Variants in CAPRIN1 observed in about 807,000 individuals in gnomAD.
The protein encoded by CAPRIN1 is caprin-1.
Under a neutral mutation model 100.9 loss-of-function variants are expected in CAPRIN1, and 29 were observed. The ratio of observed to expected loss-of-function variants is 0.29; its 90% CI spans 0.21 to 0.39. The LOEUF is 0.39. Ranked by LOEUF, CAPRIN1 falls within the 10% of genes least tolerant of loss-of-function variation. CAPRIN1 has a pLI of 1.00. For synonymous variants in CAPRIN1, 338 were observed against 307.5 expected, an observed-to-expected ratio of 1.10 and a Z score of -1.04; for missense variants, 795 against 876.7, an observed-to-expected ratio of 0.91 and a Z score of 1.18.
intron 6 of CAPRIN1, among the ~76,000 whole-genome samples, chr11:34,078,892 C>G (rs1478629826): frequency 6.6e-6 from 1 of 152,180 alleles, no homozygotes. Context: ...CATTGTAGTT[C>G]TGTGTAGTAC....
intron 18 of CAPRIN1, 117 bp downstream of exon 18, chr11:34,097,878 G>A: frequency 6.6e-7 from 1 of 1,506,970 alleles, no homozygotes; most frequent in Non-Finnish European, 8.9e-7. Context: ...CTTGTTGCTA[G>A]GGATTAAATG....
chr11:34,086,228 A>G lies in CAPRIN1; in HGVS notation c.1122+9A>G. 2 of 1,613,130 alleles carry G rather than the reference A, an allele frequency of 1.2e-6. No individual in the cohort carries two copies. Among genetic ancestry groups the G allele is most frequent in the Non-Finnish European group, 1.7e-6 (2 of 1,179,372 alleles). Reference sequence around the variant, plus strand: ...CCTATAATTTCATACAGGTATGTTCATTTTAGTCAGACTCTGTAACAGAAA... The same window carrying G: ...CCTATAATTTCATACAGGTATGTTCGTTTTAGTCAGACTCTGTAACAGAAA... On this transcript the variant is annotated intron_variant, in intron 10 of 18. Transcript: ENST00000341394.
At chr11:34,080,159 G>A (rs1195317363) in intron 7 of CAPRIN1, among the ~76,000 whole-genome samples, 2 of 152,028 alleles carry the variant, frequency 1.3e-5, no homozygotes, top group Non-Finnish European at 2.9e-5. Context: ...CCTTGACCTC[G>A]TGATCCACCC....
intron 2 of CAPRIN1, among the ~76,000 whole-genome samples, chr11:34,059,291 C>T (rs1420634743): frequency 1.3e-4 from 19 of 142,810 alleles, no homozygotes; most frequent in African/African-American, 4.5e-4. Context: ...TTTTTTGAGA[C>T]GGAGTCTTGC....
chr11:34,097,694 T>G lies in CAPRIN1; in HGVS notation c.2002-4T>G, dbSNP rs1238492227. 2 of 1,613,966 alleles carry G rather than the reference T, an allele frequency of 1.2e-6. No individual in the cohort carries two copies. The highest frequency in any genetic ancestry group is 2.7e-5 in the African/African-American group (2 of 74,926). ...TTTTCAATACTAACTAGCTTGTCTT[T>G]TAGGATGGATATCAGCAGAATTTCA... is the stretch of plus-strand genomic sequence containing the variant. On this transcript the variant is annotated splice_polypyrimidine_tract_variant and splice_region_variant and intron_variant, in intron 17 of 18. Transcript: ENST00000341394.
Position 34,089,429 on chromosome 11 carries a change from A to C in CAPRIN1, c.1266A>C (p.Gln422His). 1 of 1,609,060 alleles carries C rather than the reference A, an allele frequency of 6.2e-7. No homozygotes were observed. Among genetic ancestry groups the C allele is most frequent in the South Asian group, 1.1e-5 (1 of 90,846 alleles). Residue 422 changes from glutamine to histidine, a missense_variant, in exon 12 of 19, where the codon CAA becomes CAC. Gln to His is a conservative substitution (Grantham distance 24). Around this residue, in one of 3 missense-constraint regions of CAPRIN1, gnomAD observed 648 missense variants for 697.9 expected, o/e 0.93. Transcript: ENST00000341394. ...HSESRLAQPNQVPVQPEATQV... is the reference protein window; with the variant it reads ...HSESRLAQPNHVPVQPEATQV... ...AATCTAGACTTGCTCAGCCTAATCA[A>C]GTTCCTGTACAACCAGAAGCGACAC... is the stretch of plus-strand genomic sequence containing the variant.
At chr11:34,088,925 A>G (rs78178721) in intron 11 of CAPRIN1, among the ~76,000 whole-genome samples, 2,651 of 152,152 alleles carry the variant, frequency 0.017, 80 homozygotes, top group African/African-American at 0.059. Flanking sequence ...GCATTTCCCA[A>G]TTTACTTTCA....
At chr11:34,072,178 A>G (rs1239721056) in intron 4 of CAPRIN1, among the ~76,000 whole-genome samples, 191 bp downstream of exon 4, 1 of 152,122 alleles carries the variant, frequency 6.6e-6, no homozygotes, top group Non-Finnish European at 1.5e-5. Context: ...TAAGTTTGAA[A>G]TTGGGGGCGG....
At chr11:34,071,344 A>T (rs1192153541) in intron 2 of CAPRIN1, among the ~76,000 whole-genome samples, 1 of 152,094 alleles carries the variant, frequency 6.6e-6, no homozygotes, top group Admixed American at 6.6e-5. Flanking sequence ...CAGGTGGATC[A>T]CCTGAGGTCA....
intron 2 of CAPRIN1, among the ~76,000 whole-genome samples, chr11:34,055,270 C>T (rs1402462170): frequency 1.3e-5 from 2 of 151,840 alleles, no homozygotes; most frequent in East Asian, 3.9e-4. Context: ...TTCAAGTGAT[C>T]CTCCCGCTTC....
At position 34,075,506 on chromosome 11, in the gene CAPRIN1, A is replaced by G. The variant is rs12574670; in HGVS notation, c.367-730A>G. Among the ~76,000 whole-genome samples the G allele has an allele frequency of 2.6e-4, 40 of 152,304 alleles. No individual in the cohort carries two copies. In the East Asian group the frequency reaches 7.1e-3, roughly 27 times the overall value. On this transcript the variant is annotated intron_variant, in intron 4 of 18. Coordinates refer to ENST00000341394, the MANE Select transcript of CAPRIN1 (RefSeq NM_005898.5). The stretch of plus-strand genomic sequence containing the variant: ...AATACATTCATACTTAGCTTTATCT[A>G]TTTTTCTCCACCAGCATCATCTTAT...
intron 4 of CAPRIN1, among the ~76,000 whole-genome samples, chr11:34,073,268 C>T (rs1214515918): frequency 4.6e-5 from 7 of 152,134 alleles, no homozygotes; most frequent in Non-Finnish European, 7.4e-5. Flanking sequence ...CTTAATTTCA[C>T]TGTTCTTGTA....
intron 6 of CAPRIN1, among the ~76,000 whole-genome samples, chr11:34,077,153 A>G (rs988369915): frequency 1.3e-5 from 2 of 152,204 alleles, no homozygotes; most frequent in African/African-American, 4.8e-5. Flanking sequence ...TTTAATCTGT[A>G]ATGTGGAAAT....
At chr11:34,059,742 A>G (rs971118528) in intron 2 of CAPRIN1, among the ~76,000 whole-genome samples, 1 of 152,136 alleles carries the variant, frequency 6.6e-6, no homozygotes, top group African/African-American at 2.4e-5. Context: ...GGATTAATCC[A>G]TGGGGTTAGG....
In CAPRIN1 at chr11:34,052,565, G is replaced by C. The variant is rs566905220; in HGVS notation, c.145G>C (p.Val49Leu). 2.5e-6 allele frequency: 4 copies of C among 1,610,326 alleles called. No homozygotes were observed. The Admixed American group carries it at 6.7e-5, about 27-fold the overall frequency. The change falls in exon 2 of 19, where the codon GTC becomes CTC. Residue 49 changes from valine (V) to leucine (L), a missense_variant. Transcript: ENST00000341394. ...SQHPATGTGA[V>L]QTEAMKQILG... Reference sequence around the variant, plus strand: ...GCACCCCGCAACCGGCACCGGCGCTGTCCAGACCGAGGCCATGAAGCAGAT... The same window carrying C: ...GCACCCCGCAACCGGCACCGGCGCTCTCCAGACCGAGGCCATGAAGCAGAT...
At chr11:34,056,832 T>C (rs184776165) in intron 2 of CAPRIN1, among the ~76,000 whole-genome samples, 1 of 152,358 alleles carries the variant, frequency 6.6e-6, no homozygotes, top group Non-Finnish European at 1.5e-5. Context: ...GATTAACTAA[T>C]GATCACTTGC....
chr11:34,096,397 ACTT>A (rs1554972285), intron 15 of CAPRIN1, 79 bp from the exon 16 acceptor site: 2 of 969,050 alleles, frequency 2.1e-6, no homozygotes, highest in Non-Finnish European at 3.2e-6. Context: ...TGTATAAGAC[ACTT>A]CTTAAACTAG....
chr11:34,067,993 G>A (rs529970197), intron 2 of CAPRIN1, among the ~76,000 whole-genome samples: 2 of 152,304 alleles, frequency 1.3e-5, no homozygotes, highest in Admixed American at 6.5e-5. Flanking sequence ...TTAAAACCAT[G>A]ATTTTCTTAT....
intron 9 of CAPRIN1, among the ~76,000 whole-genome samples, chr11:34,084,605 A>G (rs1416793292): frequency 1.3e-5 from 2 of 152,166 alleles, no homozygotes; most frequent in African/African-American, 4.8e-5. Flanking sequence ...GGTGTTTCAC[A>G]TCTCAAGAGT....
Sources: allele counts gnomAD v4.1 joint callset (sites outside exome capture counted in the v4.1 genomes callset), GRCh38; gene constraint gnomAD v4.1.1; regional missense constraint gnomAD v4.1.1; transcripts MANE v1.5; gene names NCBI Gene and HGNC (gene_info 2026-07-23, HGNC 2026-07-21).